The following RREB1 variants were observed in gnomAD, a reference collection of about 807,000 sequenced individuals.
RREB1 encodes the protein ras responsive element binding protein 1.
Under a neutral mutation model 117.8 loss-of-function variants are expected in RREB1, and 27 were observed. The ratio of observed to expected loss-of-function variants is 0.23; its 90% CI spans 0.17 to 0.32. The LOEUF (loss-of-function observed/expected upper bound fraction) is 0.32. Ranked by LOEUF, RREB1 falls within the 10% of genes least tolerant of loss-of-function variation. RREB1 has a pLI of 1.00. For synonymous variants in RREB1, 1,298 were observed against 1,026.7 expected (o/e 1.26, Z -5.05); for missense variants, 2,577 against 2,378.2 (o/e 1.08, Z -1.74).
intron 1 of RREB1, among the ~76,000 whole-genome samples, chr6:7,109,769 C>CCAG (rs1441132936): frequency 6.6e-6 from 1 of 152,216 alleles, no homozygotes; most frequent in Non-Finnish European, 1.5e-5. Context: ...GGCTTCAGAG[C>CCAG]CAGCAGCAGC....
intron 8 of RREB1, chr6:7,213,422 C>T (rs1480721364): frequency 1.3e-5 from 2 of 152,196 alleles, no homozygotes; most frequent in Non-Finnish European, 2.9e-5. Context: ...CCATCTTGGC[C>T]TCCTAAAGTG....
chr6:7,216,078 G>A (rs1221001746), intron 8 of RREB1: 4 of 152,248 alleles, frequency 2.6e-5, no homozygotes, highest in Non-Finnish European at 4.4e-5. Context: ...AATAAGTAAC[G>A]TTAACATCAT....
At chr6:7,127,491 T>A (rs1372643752) in intron 1 of RREB1, among the ~76,000 whole-genome samples, 1 of 152,180 alleles carries the variant, frequency 6.6e-6, no homozygotes, top group East Asian at 1.9e-4. Context: ...TGTTTAGACT[T>A]CCCTAATTGT....
chr6:7,224,140 A>G (rs1375077083), intron 8 of RREB1, among the ~76,000 whole-genome samples: 1 of 152,174 alleles, frequency 6.6e-6, no homozygotes, highest in Non-Finnish European at 1.5e-5. Context: ...TTGGCTTGCA[A>G]AATTCTGGTA....
intron 6 of RREB1, among the ~76,000 whole-genome samples, chr6:7,199,343 C>G (rs936844315): frequency 8.5e-5 from 13 of 152,196 alleles, no homozygotes; most frequent in African/African-American, 2.7e-4. Context: ...AATTGTAGTT[C>G]AAGGCCTTCC....
Position 7,169,187 on chromosome 6 carries a change from A to G in RREB1, c.-284-7468A>G, listed in dbSNP as rs79458070. Among the ~76,000 whole-genome samples the G allele has an allele frequency of 3.8e-3, 577 of 152,304 alleles. 2 individuals carry two copies. The highest frequency in any genetic ancestry group is 0.013 in the African/African-American group (547 of 41,560). On this transcript the variant is annotated intron_variant, in intron 1 of 12. Coordinates refer to ENST00000379938, the MANE Select transcript of RREB1 (RefSeq NM_001003699.4). ...CCTACCCTTTCTTGCACCTGGGTCTACCTGATAAGCCAGGAGAGCAGATCT... is the reference window on the plus strand; with the variant it reads ...CCTACCCTTTCTTGCACCTGGGTCTGCCTGATAAGCCAGGAGAGCAGATCT...
At chr6:7,246,244 AG>A in intron 11 of RREB1, among the ~76,000 whole-genome samples, 179 bp from the exon 12 acceptor site, 1 of 152,138 alleles carries the variant, frequency 6.6e-6, no homozygotes, top group Non-Finnish European at 1.5e-5. Flanking sequence ...TCACGTCCCC[AG>A]GGTCATCTTG....
chr6:7,199,522 C>T (rs1765831868), intron 6 of RREB1, among the ~76,000 whole-genome samples: 1 of 152,160 alleles, frequency 6.6e-6, no homozygotes, highest in African/African-American at 2.4e-5. Flanking sequence ...GTATCATGTG[C>T]TGAATTTCCA....
rs533819368 is a variant in RREB1 at position 7,205,049 on chromosome 6, T to G, written c.426-5755T>G. The stretch of plus-strand genomic sequence containing the variant: ...TATATTGGAAGATGAGTCTGGGAGA[T>G]GTTTAATGCTGGTATCCAAAAAATG... On this transcript the variant is annotated intron_variant, in intron 6 of 12. Transcript: ENST00000379938. Among the ~76,000 whole-genome samples the G allele has an allele frequency of 3.3e-5, 5 of 152,322 alleles. No individual in the cohort carries two copies. The East Asian group carries it at 9.6e-4, about 29-fold the overall frequency.
At chr6:7,242,102 C>G (rs1048660350) in intron 11 of RREB1, among the ~76,000 whole-genome samples, 1 of 152,346 alleles carries the variant, frequency 6.6e-6, no homozygotes, top group Non-Finnish European at 1.5e-5. Flanking sequence ...CATAGTGGTT[C>G]CACAGTAGCG....
At chr6:7,179,712 T>A (rs1322268781) in intron 2 of RREB1, among the ~76,000 whole-genome samples, 3 of 152,234 alleles carry the variant, frequency 2.0e-5, no homozygotes, top group Non-Finnish European at 4.4e-5. Flanking sequence ...TGTATGCACT[T>A]TGTGTCTACA....
In RREB1 at chr6:7,248,970, A is replaced by C. The variant is rs1269153748; in HGVS notation, c.*2A>C. On this transcript the variant is annotated 3_prime_UTR_variant, in exon 13 of 13. Coordinates refer to ENST00000379938, the MANE Select transcript of RREB1 (RefSeq NM_001003699.4). The stretch of plus-strand genomic sequence containing the variant: ...TCCCAGCTCGTGGGGATGGAGTGAC[A>C]GCCTCAGTCCCCCTCAGCACAGACA... 2.7e-6 allele frequency: 4 copies of C among 1,473,616 alleles called. No individual in the cohort carries two copies. In the East Asian group the frequency reaches 9.9e-5, roughly 36 times the overall value. The allele number at this position is 1,473,616 out of a possible 1,614,324, so 91.3% of individuals were successfully genotyped here. A position where few individuals can be genotyped will look rare whatever the true frequency, so the allele number is the denominator to read the frequency against.
At chr6:7,125,625 ATTG>A (rs1761872326) in intron 1 of RREB1, among the ~76,000 whole-genome samples, 1 of 152,198 alleles carries the variant, frequency 6.6e-6, no homozygotes, top group South Asian at 2.1e-4. Context: ...GAACAGGTCC[ATTG>A]TTGTTTTATA....
At position 7,199,169 on chromosome 6, in the gene RREB1, G is replaced by A. The variant is rs192001242; in HGVS notation, c.425+9847G>A. On this transcript the variant is annotated intron_variant, in intron 6 of 12. Coordinates refer to ENST00000379938, the MANE Select transcript of RREB1 (RefSeq NM_001003699.4). ...TGCTTCTGAGTCCTCTGATAGCTCCGCCTAACTTTTCTGGCCAGGGCTGAT... is the reference window on the plus strand; with the variant it reads ...TGCTTCTGAGTCCTCTGATAGCTCCACCTAACTTTTCTGGCCAGGGCTGAT... 2.4e-4 allele frequency among the ~76,000 whole-genome samples: 36 copies of A among 152,206 alleles called. 1 individual carries two copies. Among genetic ancestry groups the A allele is most frequent in the African/African-American group, 7.9e-4 (33 of 41,530 alleles).
chr6:7,125,321 C>G (rs191999397), intron 1 of RREB1, among the ~76,000 whole-genome samples: 2 of 152,304 alleles, frequency 1.3e-5, no homozygotes, highest in East Asian at 3.9e-4. Flanking sequence ...GAATTGTCAC[C>G]CTGTTCCCCT....
chr6:7,240,113 T>C (rs1334431606), intron 10 of RREB1, among the ~76,000 whole-genome samples: 3 of 152,256 alleles, frequency 2.0e-5, no homozygotes, highest in Non-Finnish European at 4.4e-5. Context: ...TGCTGTGCTC[T>C]AAAATCTCTT....
At chr6:7,182,679 T>G (rs1290666197) in intron 4 of RREB1, among the ~76,000 whole-genome samples, 2 of 152,214 alleles carry the variant, frequency 1.3e-5, no homozygotes, top group African/African-American at 4.8e-5. Flanking sequence ...CAATGTAAGA[T>G]GGGACATTTC....
intron 8 of RREB1, among the ~76,000 whole-genome samples, chr6:7,226,235 G>T (rs1767579636): frequency 6.6e-6 from 1 of 152,194 alleles, no homozygotes; most frequent in African/African-American, 2.4e-5. Context: ...TACACCTTGT[G>T]CTGCCTGCAA....
In RREB1 at chr6:7,182,718, A is replaced by G. The variant is rs190373410; in HGVS notation, c.171+636A>G. ...GAAAAGTTGTTGCTGTCTTGGCAACATACTGTTGAACAGAAAGAAGGAAGG... is the reference window on the plus strand; with the variant it reads ...GAAAAGTTGTTGCTGTCTTGGCAACGTACTGTTGAACAGAAAGAAGGAAGG... On this transcript the variant is annotated intron_variant, in intron 4 of 12. Coordinates refer to ENST00000379938, the MANE Select transcript of RREB1 (RefSeq NM_001003699.4). Among the ~76,000 whole-genome samples the G allele has an allele frequency of 2.6e-4, 40 of 152,370 alleles. No homozygotes were observed. The East Asian group carries it at 5.0e-3, about 19-fold the overall frequency.
Sources: allele counts gnomAD v4.1 joint callset (sites outside exome capture counted in the v4.1 genomes callset), GRCh38; gene constraint gnomAD v4.1.1; transcripts MANE v1.5; gene names NCBI Gene and HGNC (gene_info 2026-07-23, HGNC 2026-07-21).